Variants in RFX3 observed in about 807,000 individuals in gnomAD.
RFX3 encodes the protein regulatory factor X3.
RFX3 carries 14 observed loss-of-function variants against 98.6 expected under a neutral mutation model. That is an observed-to-expected ratio of 0.14 (90% CI 0.09 to 0.22). RFX3 has a LOEUF of 0.22. RFX3 is among the 10% of genes least tolerant of loss of function. The probability of loss-of-function intolerance (pLI) is 1.00; values close to 1 mark genes in which losing one functional copy is unlikely to be tolerated. For synonymous variants in RFX3, 383 were observed against 328.4 expected (o/e 1.17, Z -1.80); for missense variants, 639 against 926.9 (o/e 0.69, Z 4.03).
chr9:3,402,652 T>A (rs1320039016), intron 1 of RFX3, among the ~76,000 whole-genome samples: 1 of 151,704 alleles, frequency 6.6e-6, no homozygotes, highest in Non-Finnish European at 1.5e-5. Context: ...TTCTGCAGCA[T>A]TTATATTTAT....
intron 4 of RFX3, among the ~76,000 whole-genome samples, chr9:3,315,050 C>A (rs1226308600): frequency 3.3e-5 from 5 of 152,136 alleles, no homozygotes; most frequent in Non-Finnish European, 5.9e-5. Flanking sequence ...GAACTCTCCA[C>A]CCCAAATCAA....
At chr9:3,388,378 A>G (rs1185336071) in intron 2 of RFX3, among the ~76,000 whole-genome samples, 1 of 152,142 alleles carries the variant, frequency 6.6e-6, no homozygotes, top group Admixed American at 6.6e-5. Context: ...CTCTGGTTAG[A>G]TTTGTTCCCC....
chr9:3,453,893 C>T (rs1846906096), intron 1 of RFX3, among the ~76,000 whole-genome samples: 1 of 151,188 alleles, frequency 6.6e-6, no homozygotes, highest in African/African-American at 2.4e-5. Context: ...TTAAATATAC[C>T]CCGGTCTTTT....
At chr9:3,314,111 G>T (rs1587001490) in intron 4 of RFX3, among the ~76,000 whole-genome samples, 1 of 152,144 alleles carries the variant, frequency 6.6e-6, no homozygotes. Context: ...AATATTAAGG[G>T]CAGCCAGAGA....
intron 1 of RFX3, among the ~76,000 whole-genome samples, chr9:3,487,064 C>A (rs1032714323): frequency 6.6e-5 from 10 of 152,042 alleles, no homozygotes; most frequent in African/African-American, 2.2e-4. Context: ...CTGTGTTGCC[C>A]AGGCTGGTCT....
intron 15 of RFX3, among the ~76,000 whole-genome samples, chr9:3,241,124 G>T (rs557484421): frequency 6.6e-6 from 1 of 151,896 alleles, no homozygotes; most frequent in South Asian, 2.1e-4. Flanking sequence ...AATTGCTGTC[G>T]TAAGCACCCA....
At chr9:3,229,004 C>T (rs1818133155) in intron 15 of RFX3, 115 bp from the exon 16 acceptor site, 3 of 732,938 alleles carry the variant, frequency 4.1e-6, no homozygotes, top group Non-Finnish European at 6.5e-6. Flanking sequence ...AAACTAGTGG[C>T]CATTTTGATC....
At chr9:3,388,137 C>T (rs1839920905) in intron 2 of RFX3, among the ~76,000 whole-genome samples, 1 of 152,078 alleles carries the variant, frequency 6.6e-6, no homozygotes, top group African/African-American at 2.4e-5. Context: ...ACATACTACT[C>T]AGAATATGGC....
intron 2 of RFX3, among the ~76,000 whole-genome samples, chr9:3,395,196 T>C (rs1454063897): frequency 6.6e-6 from 1 of 152,210 alleles, no homozygotes; most frequent in Non-Finnish European, 1.5e-5. Context: ...TGAGTGGTCA[T>C]ATCAGAAAAA....
intron 1 of RFX3, among the ~76,000 whole-genome samples, chr9:3,524,191 C>T (rs1818992457): frequency 6.6e-6 from 1 of 152,102 alleles, no homozygotes; most frequent in African/African-American, 2.4e-5. Context: ...ATTATCAAAA[C>T]TCTACTGATA....
intron 1 of RFX3, among the ~76,000 whole-genome samples, chr9:3,512,847 A>G (rs1015725510): frequency 6.6e-6 from 1 of 152,136 alleles, no homozygotes; most frequent in Non-Finnish European, 1.5e-5. Flanking sequence ...TTTTATCTTT[A>G]TTTCCAAATT....
chr9:3,335,971 CT>C (rs1381687459), intron 3 of RFX3, among the ~76,000 whole-genome samples: 1 of 152,024 alleles, frequency 6.6e-6, no homozygotes, highest in Non-Finnish European at 1.5e-5. Context: ...TTTCTGTTTT[CT>C]TTATCTTCAG....
At position 3,256,281 on chromosome 9, in the gene RFX3, T is replaced by C. The variant is rs144662753; in HGVS notation, c.1814+710A>G. ...CACCGTGCCCAGCCACTAATCACTA[T>C]CTCTTGACCACCAAGATTTTGATTT... On this transcript the variant is annotated intron_variant, in intron 14 of 16. Coordinates refer to ENST00000617270, the MANE Select transcript of RFX3 (RefSeq NM_001282116.2). 1.2e-3 allele frequency among the ~76,000 whole-genome samples: 187 copies of C among 151,446 alleles called. 1 individual carries two copies. Among genetic ancestry groups the C allele is most frequent in the African/African-American group, 4.3e-3 (179 of 41,350 alleles).
Position 3,465,196 on chromosome 9 carries a change from G to C in RFX3, c.-9+60551C>G, listed in dbSNP as rs144250380. On this transcript the variant is annotated intron_variant, in intron 1 of 16. Transcript: ENST00000617270. Reference sequence around the variant, plus strand: ...TATAAATCAAGAGTATCAGTAGTCTGACAGCATCTTAGTATCTCACTTCTA... The same window carrying C: ...TATAAATCAAGAGTATCAGTAGTCTCACAGCATCTTAGTATCTCACTTCTA... Among the ~76,000 whole-genome samples, 1,118 of 152,236 alleles carry C rather than the reference G, an allele frequency of 7.3e-3. 16 individuals are homozygous for C. Among genetic ancestry groups the C allele is most frequent in the African/African-American group, 0.025 (1,058 of 41,548 alleles).
chr9:3,372,525 C>CT (rs924241055), intron 2 of RFX3, among the ~76,000 whole-genome samples: 3 of 150,506 alleles, frequency 2.0e-5, no homozygotes, highest in Non-Finnish European at 3.0e-5. Flanking sequence ...CACCTGCCAT[C>CT]TTTTTTTTCT....
intron 2 of RFX3, among the ~76,000 whole-genome samples, chr9:3,393,008 A>C (rs1297984184): frequency 8.2e-6 from 1 of 121,874 alleles, no homozygotes; most frequent in Non-Finnish European, 1.6e-5. Context: ...CTAAAAAAAC[A>C]CATATGGTTC....
At chr9:3,390,545 A>C (rs1417827860) in intron 2 of RFX3, among the ~76,000 whole-genome samples, 4 of 152,126 alleles carry the variant, frequency 2.6e-5, no homozygotes, top group Non-Finnish European at 4.4e-5. Context: ...GTCCCCACCC[A>C]AGCCTCATCT....
chr9:3,504,776 A>G (rs1213149516), intron 1 of RFX3, among the ~76,000 whole-genome samples: 1 of 105,888 alleles, frequency 9.4e-6, no homozygotes, highest in East Asian at 2.6e-4. Context: ...ATATGTATAT[A>G]TTGTATATAA....
intron 7 of RFX3, among the ~76,000 whole-genome samples, chr9:3,286,234 A>G (rs895827782): frequency 5.3e-5 from 8 of 151,860 alleles, no homozygotes; most frequent in African/African-American, 1.9e-4. Context: ...TGCCATTAAC[A>G]GATGCAAAAA....
Sources: gnomAD v4.1 joint callset for allele counts (sites outside exome capture counted in the v4.1 genomes callset) on GRCh38, gnomAD v4.1.1 for gene constraint, MANE v1.5 for transcripts, NCBI Gene and HGNC (gene_info 2026-07-23, HGNC 2026-07-21) for gene names.